The following KCNIP1 variants were observed in gnomAD, a reference collection of about 807,000 sequenced individuals.
The protein encoded by KCNIP1 is potassium voltage-gated channel interacting protein 1, also known as A-type potassium channel modulatory protein KCNIP1.
Under a neutral mutation model 33.0 loss-of-function variants are expected in KCNIP1, and 18 were observed. The observed-to-expected ratio is 0.55, with a 90% CI of 0.38 to 0.81. The LOEUF (loss-of-function observed/expected upper bound fraction) is 0.81. Ranked by LOEUF, KCNIP1 falls within the 30% of genes least tolerant of loss-of-function variation. KCNIP1 has a pLI of 0.00. For synonymous variants in KCNIP1, 93 were observed against 98.3 expected (o/e 0.95, Z 0.32); for missense variants, 238 against 271.6 (o/e 0.88, Z 0.87).
chr5:170,504,550 C>A lies in KCNIP1; in HGVS notation c.-23C>A. ...GGAGGGGCCGGGCCCGGGGTCCCAA[C>A]TCGCACTCAAGTCTTCGCTGCCATG... On this transcript the variant is annotated 5_prime_UTR_variant, in exon 1 of 8. Transcript: ENST00000328939. This position sits in a 1 kb window ranked among gnomAD's most constrained non-coding sequence, Gnocchi z 6.0. 1 of 1,612,758 alleles carries A rather than the reference C, an allele frequency of 6.2e-7. No homozygotes were observed. Among genetic ancestry groups the A allele is most frequent in the Non-Finnish European group, 8.5e-7 (1 of 1,179,982 alleles).
chr5:170,479,715 T>A (rs559224105), intron 1 of KCNIP1, among the ~76,000 whole-genome samples: 1 of 152,334 alleles, frequency 6.6e-6, no homozygotes, highest in South Asian at 2.1e-4. Flanking sequence ...TTGGCTGTGA[T>A]GCATTGGTAG....
At chr5:170,507,258 G>A (rs1400431766) in intron 1 of KCNIP1, among the ~76,000 whole-genome samples, 1 of 152,168 alleles carries the variant, frequency 6.6e-6, no homozygotes, top group Non-Finnish European at 1.5e-5. Context: ...CCACTTACTA[G>A]CTGTATGACT....
chr5:170,566,103 A>G (rs1035907894), intron 1 of KCNIP1, among the ~76,000 whole-genome samples: 1 of 152,082 alleles, frequency 6.6e-6, no homozygotes, highest in Admixed American at 6.5e-5. Flanking sequence ...ATCTCAGCTC[A>G]CTGCAACCTC....
intron 1 of KCNIP1, among the ~76,000 whole-genome samples, chr5:170,595,118 C>T (rs1322247664): frequency 6.6e-6 from 1 of 152,172 alleles, no homozygotes. Context: ...CCAGTCCTAG[C>T]TTCCCCAGAG....
chr5:170,434,222 T>A (rs111864617), intron 1 of KCNIP1, among the ~76,000 whole-genome samples: 13 of 152,288 alleles, frequency 8.5e-5, no homozygotes, highest in African/African-American at 3.1e-4. Context: ...CTTATGAAGA[T>A]TAAGTATGTA....
At chr5:170,731,872 CAAAAAAAAAAAAA>C (rs1157286321) in intron 5 of KCNIP1, among the ~76,000 whole-genome samples, 190 of 16,886 alleles carry the variant, frequency 0.011, no homozygotes, top group South Asian at 0.017. Flanking sequence ...GACTCCGTCT[CAAAAAAAAAAAAA>C]AAAAAAAAAA....
At chr5:170,496,408 G>A (rs1757312031) in intron 1 of KCNIP1, among the ~76,000 whole-genome samples, 1 of 152,192 alleles carries the variant, frequency 6.6e-6, no homozygotes, top group Non-Finnish European at 1.5e-5. Flanking sequence ...TGAGTTCAAG[G>A]CCAGCTCCAC....
At chr5:170,580,673 A>C (rs1322993407) in intron 1 of KCNIP1, among the ~76,000 whole-genome samples, 1 of 152,170 alleles carries the variant, frequency 6.6e-6, no homozygotes, top group Non-Finnish European at 1.5e-5. Context: ...GGACTGGAGG[A>C]TGTATTAACA....
chr5:170,484,543 C>G (rs1757043615), intron 1 of KCNIP1, among the ~76,000 whole-genome samples: 1 of 152,140 alleles, frequency 6.6e-6, no homozygotes, highest in African/African-American at 2.4e-5. Context: ...CCCACCTTGT[C>G]TCTCCTTTTT....
At chr5:170,539,779 A>G (rs1200182434) in intron 1 of KCNIP1, among the ~76,000 whole-genome samples, 2 of 152,162 alleles carry the variant, frequency 1.3e-5, no homozygotes, top group Non-Finnish European at 2.9e-5. Context: ...GTTAAGGACA[A>G]ATGTCAAGAA....
chr5:170,584,118 C>T (rs1036223214), intron 1 of KCNIP1, among the ~76,000 whole-genome samples: 15 of 152,156 alleles, frequency 9.9e-5, no homozygotes, highest in African/African-American at 2.4e-4. Context: ...CTGCCTGAGG[C>T]GCTGCCTTGA....
At chr5:170,634,158 T>A (rs1272898468) in intron 1 of KCNIP1, among the ~76,000 whole-genome samples, 2 of 152,168 alleles carry the variant, frequency 1.3e-5, no homozygotes, top group Non-Finnish European at 2.9e-5. Context: ...GATAACCAGA[T>A]GGAGTCACCA....
At chr5:170,532,982 A>G (rs989690519) in intron 1 of KCNIP1, among the ~76,000 whole-genome samples, 1 of 152,206 alleles carries the variant, frequency 6.6e-6, no homozygotes, top group African/African-American at 2.4e-5. Flanking sequence ...GCTTTCCAGG[A>G]GTCCTTCAAA....
At chr5:170,663,257 T>G (rs2113752822) in intron 1 of KCNIP1, among the ~76,000 whole-genome samples, 1 of 152,254 alleles carries the variant, frequency 6.6e-6, no homozygotes, top group South Asian at 2.1e-4. Flanking sequence ...AACTCTGGGG[T>G]ATTTGACTTT....
intron 1 of KCNIP1, among the ~76,000 whole-genome samples, chr5:170,713,057 G>A (rs868562757): frequency 2.4e-4 from 36 of 152,196 alleles, no homozygotes; most frequent in Admixed American, 7.9e-4. Flanking sequence ...TTAGAGACAA[G>A]TTACAGGAAA....
chr5:170,632,972 TG>T (rs1760117180), intron 1 of KCNIP1, among the ~76,000 whole-genome samples: 1 of 128,202 alleles, frequency 7.8e-6, no homozygotes, highest in Non-Finnish European at 1.8e-5. Context: ...GGGTTGAACC[TG>T]GAAGAGGCCA....
chr5:170,450,108 C>T (rs531731483), intron 1 of KCNIP1, among the ~76,000 whole-genome samples: 1 of 149,364 alleles, frequency 6.7e-6, no homozygotes, highest in African/African-American at 2.5e-5. Context: ...GAAAGGATCG[C>T]CCGACCCCCC....
At chr5:170,683,882 C>A (rs1032761621) in intron 1 of KCNIP1, among the ~76,000 whole-genome samples, 27 of 142,802 alleles carry the variant, frequency 1.9e-4, no homozygotes, top group Non-Finnish European at 3.5e-4. Context: ...CACCACTATG[C>A]CCAGCTAGTG....
At chr5:170,701,465 C>T (rs1180362982) in intron 1 of KCNIP1, among the ~76,000 whole-genome samples, 1 of 152,184 alleles carries the variant, frequency 6.6e-6, no homozygotes, top group African/African-American at 2.4e-5. Context: ...ACCCACCACT[C>T]GTCAGACTAA....
Sources: gnomAD v4.1 joint callset for allele counts (sites outside exome capture counted in the v4.1 genomes callset) on GRCh38, gnomAD v4.1.1 for gene constraint, Gnocchi (gnomAD v3.1) non-coding constraint, MANE v1.5 for transcripts, NCBI Gene and HGNC (gene_info 2026-07-23, HGNC 2026-07-21) for gene names.